EXO1: variants seen among roughly 807,000 people sequenced by gnomAD.
The protein encoded by EXO1 is exonuclease 1.
In EXO1, 69 loss-of-function variants were observed where a neutral mutation model predicts 84.5. That is an observed-to-expected ratio of 0.82 (90% CI 0.67 to 1.00). EXO1 has a LOEUF of 1.00. Ranked by LOEUF, EXO1 falls within the 50% of genes least tolerant of loss-of-function variation. The probability of loss-of-function intolerance (pLI) is 0.00; values close to 1 mark genes in which losing one functional copy is unlikely to be tolerated. For missense variants in EXO1, 1,045 were observed against 1,000.7 expected, an observed-to-expected ratio of 1.04 and a Z score of -0.60; for synonymous variants, 373 against 366.1, an observed-to-expected ratio of 1.02 and a Z score of -0.21.
At chr1:241,869,617 A>G (rs1375192781) in intron 11 of EXO1, among the ~76,000 whole-genome samples, 1 of 152,234 alleles carries the variant, frequency 6.6e-6, no homozygotes, top group Admixed American at 6.5e-5. Flanking sequence ...GATTTTCATG[A>G]TAATTATCTC....
chr1:241,863,595 G>A (rs1661525555), intron 10 of EXO1, among the ~76,000 whole-genome samples: 1 of 152,036 alleles, frequency 6.6e-6, no homozygotes. Context: ...CATTCAGCAT[G>A]GAAAAGTAAC....
chr1:241,850,361 G>A, intron 3 of EXO1, 48 bp from the exon 4 acceptor site: 1 of 1,230,012 alleles, frequency 8.1e-7, no homozygotes, highest in Non-Finnish European at 1.2e-6. Flanking sequence ...TTTAATAAAT[G>A]TATTTTTCTT....
In EXO1 at chr1:241,878,968, A is replaced by G; in HGVS notation, c.1734A>G (p.Thr578=). 6.2e-7 allele frequency: 1 copy of G among 1,614,178 alleles called. No homozygotes were observed. Among genetic ancestry groups the G allele is most frequent in the Non-Finnish European group, 8.5e-7 (1 of 1,179,998 alleles). The part of the protein sequence containing the change: ...IPGDHIPDKA[T]VFTDEESYSF... ...GTGATCATATTCCAGACAAGGCAAC[A>G]GTGTTTACAGATGAAGAGTCCTACT... The change falls in exon 13 of 16, where the codon ACA becomes ACG. Residue 578 remains threonine (T), a synonymous_variant. Coordinates refer to ENST00000366548, the MANE Select transcript of EXO1 (RefSeq NM_130398.4).
At position 241,881,940 on chromosome 1, in the gene EXO1, C is replaced by T; in HGVS notation, c.2134C>T (p.Leu712Phe). The change falls in exon 14 of 16, where the codon CTT becomes TTT. Residue 712 changes from leucine to phenylalanine, a missense_variant. Physicochemically the swap from Leu to Phe is conservative, Grantham distance 22 (BLOSUM62 0). Transcript: ENST00000366548. ...GGAATCTGATTGCAATATTAAGTTA[C>T]TTGACAGTCAAAGTGACCAGACCTC... The part of the protein sequence containing the change: ...SEESDCNIKL[L>F]DSQSDQTSKL... The T allele has an allele frequency of 1.9e-6, 3 of 1,572,448 alleles. No individual in the cohort carries two copies. The highest frequency in any genetic ancestry group is 1.1e-5 in the South Asian group (1 of 88,336).
In EXO1 at chr1:241,867,032, C is replaced by T. The variant is rs768283548; in HGVS notation, c.1244C>T (p.Ser415Phe). The T allele has an allele frequency of 1.2e-6, 2 of 1,613,376 alleles. No individual in the cohort carries two copies. Among genetic ancestry groups the T allele is most frequent in the South Asian group, 2.2e-5 (2 of 91,044 alleles). The change falls in exon 11 of 16, where the codon TCC (serine) becomes TTC (phenylalanine). Residue 415 changes from serine (S) to phenylalanine (F), a missense_variant. Transcript: ENST00000366548. ...TKGLNLPRKS[S>F]IVKRPRSAEL... The stretch of plus-strand genomic sequence containing the variant: ...GGGTTAAATCTCCCAAGGAAATCAT[C>T]CATTGTGAAAAGACCAAGAAGTGGT...
intron 14 of EXO1, among the ~76,000 whole-genome samples, chr1:241,882,361 T>C (rs1224964653): frequency 2.0e-5 from 3 of 152,170 alleles, no homozygotes; most frequent in Non-Finnish European, 4.4e-5. Context: ...TGTGGATAAA[T>C]ATTTGAGGAC....
intron 12 of EXO1, among the ~76,000 whole-genome samples, chr1:241,876,211 G>A (rs1428638548): frequency 6.6e-6 from 1 of 152,198 alleles, no homozygotes; most frequent in East Asian, 1.9e-4. Flanking sequence ...TTCTCTGTCA[G>A]CTTTCTGTGA....
chr1:241,869,956 C>T lies in EXO1; in HGVS notation c.1268-2076C>T, dbSNP rs4149958. On this transcript the variant is annotated intron_variant, in intron 11 of 15. Transcript: ENST00000366548. Reference sequence around the variant, plus strand: ...GCCTCCCGAGTAGCTGGGATACAGGCGTCCACTACCACACCTGGCTAATTT... The same window carrying T: ...GCCTCCCGAGTAGCTGGGATACAGGTGTCCACTACCACACCTGGCTAATTT... Among the ~76,000 whole-genome samples the T allele has an allele frequency of 2.3e-3, 351 of 152,136 alleles. 1 individual carries two copies. The highest frequency in any genetic ancestry group is 8.0e-3 in the African/African-American group (332 of 41,522).
chr1:241,856,063 A>C (rs986355652), intron 6 of EXO1, among the ~76,000 whole-genome samples: 1 of 152,226 alleles, frequency 6.6e-6, no homozygotes, highest in African/African-American at 2.4e-5. Flanking sequence ...AAGTGCCGCC[A>C]AAGTGGGAGC....
Position 241,885,468 on chromosome 1 carries a change from T to G in EXO1, c.2366T>G (p.Ile789Ser). The G allele has an allele frequency of 6.2e-7, 1 of 1,613,798 alleles. No individual in the cohort carries two copies. Among genetic ancestry groups the G allele is most frequent in the Non-Finnish European group, 8.5e-7 (1 of 1,179,822 alleles). ...HNAENKPGLQ[I>S]KLNELWKNFG... Reference sequence around the variant, plus strand: ...GCCGAGAACAAGCCGGGGTTACAGATCAAACTCAATGAGCTCTGGAAAAAC... The same window carrying G: ...GCCGAGAACAAGCCGGGGTTACAGAGCAAACTCAATGAGCTCTGGAAAAAC... Residue 789 changes from isoleucine (I) to serine (S), a missense_variant, in exon 15 of 16, where the codon ATC (isoleucine) becomes AGC (serine). Coordinates refer to ENST00000366548, the MANE Select transcript of EXO1 (RefSeq NM_130398.4).
intron 5 of EXO1, 117 bp from the exon 6 acceptor site, chr1:241,853,241 T>A: frequency 9.3e-7 from 1 of 1,071,368 alleles, no homozygotes; most frequent in Non-Finnish European, 1.4e-6. Context: ...GTGTACTTTC[T>A]AATGAGTCAA....
chr1:241,862,215 G>A (rs994993904), intron 10 of EXO1, among the ~76,000 whole-genome samples: 13 of 152,216 alleles, frequency 8.5e-5, no homozygotes, highest in Non-Finnish European at 1.8e-4. Context: ...TGGGATTACA[G>A]GCGTGAGCCA....
intron 14 of EXO1, among the ~76,000 whole-genome samples, chr1:241,884,858 C>T (rs1662961730): frequency 6.6e-6 from 1 of 152,188 alleles, no homozygotes; most frequent in Non-Finnish European, 1.5e-5. Flanking sequence ...CTGTAATAGA[C>T]TTTTATAAAT....
At chr1:241,887,657 G>A (rs1663143771) in intron 15 of EXO1, among the ~76,000 whole-genome samples, 1 of 151,746 alleles carries the variant, frequency 6.6e-6, no homozygotes, top group African/African-American at 2.4e-5. Context: ...TATTTATTTT[G>A]AGACAGAGTC....
rs1345744094 is a variant in EXO1, at chr1:241,848,737, G to C, written c.-413G>C. 2.0e-5 allele frequency: 3 copies of C among 152,140 alleles called. No homozygotes were observed. Among genetic ancestry groups the C allele is most frequent in the Non-Finnish European group, 4.4e-5 (3 of 68,036 alleles). The allele number at this position is 152,140 out of a possible 1,614,324, so 9.4% of individuals were successfully genotyped here. ...TTCCCATAATATTTTGCAGGCCTAA[G>C]GAAACGTGTCGTCTGGAATGGGCTT... On this transcript the variant is annotated 5_prime_UTR_variant, in exon 2 of 16. Coordinates refer to ENST00000366548, the MANE Select transcript of EXO1 (RefSeq NM_130398.4). The surrounding 1 kb of genome is among the most constrained non-coding windows in gnomAD (Gnocchi z 4.2).
intron 11 of EXO1, among the ~76,000 whole-genome samples, chr1:241,868,754 C>G (rs566699618): frequency 2.0e-5 from 3 of 152,300 alleles, no homozygotes; most frequent in African/African-American, 7.2e-5. Flanking sequence ...ACTGAGTTTT[C>G]TGATTCATTC....
intron 13 of EXO1, among the ~76,000 whole-genome samples, chr1:241,881,356 T>C (rs1662743908): frequency 6.6e-6 from 1 of 152,170 alleles, no homozygotes; most frequent in Admixed American, 6.5e-5. Flanking sequence ...TATTTGACTT[T>C]CATGGGAATG....
intron 12 of EXO1, among the ~76,000 whole-genome samples, chr1:241,876,688 G>A (rs1662422537): frequency 6.6e-6 from 1 of 152,142 alleles, no homozygotes; most frequent in African/African-American, 2.4e-5. Context: ...AATATTATGA[G>A]ATACATAGGA....
Position 241,881,999 on chromosome 1 carries a change from C to G in EXO1, c.2193C>G (p.Asp731Glu), listed in dbSNP as rs768927204. The G allele has an allele frequency of 6.5e-7, 1 of 1,537,572 alleles. No individual in the cohort carries two copies. Among genetic ancestry groups the G allele is most frequent in the Non-Finnish European group, 9.0e-7 (1 of 1,111,958 alleles). ...KLRLSHFSKKDTPLRNKVPGL... is the reference protein window; with the variant it reads ...KLRLSHFSKKETPLRNKVPGL... ...GTTTATCTCATTTCTCAAAAAAAGA[C>G]ACACCTCTAAGGAACAAGGTAAAAC... Residue 731 changes from aspartate (D) to glutamate (E), a missense_variant, in exon 14 of 16, where the codon GAC (aspartate) becomes GAG (glutamate). Asp to Glu is a conservative substitution (Grantham distance 45). Transcript: ENST00000366548.
Sources: allele counts gnomAD v4.1 joint callset (sites outside exome capture counted in the v4.1 genomes callset), GRCh38; gene constraint gnomAD v4.1.1; non-coding constraint Gnocchi (gnomAD v3.1); transcripts MANE v1.5; gene names NCBI Gene and HGNC (gene_info 2026-07-23, HGNC 2026-07-21).